The following NPHP4 variants were observed in gnomAD, a reference collection of about 807,000 sequenced individuals.
NPHP4 encodes the protein nephrocystin 4.
In NPHP4, 151 loss-of-function variants were observed where a neutral mutation model predicts 155.8. The ratio of observed to expected loss-of-function variants is 0.97; its 90% CI spans 0.85 to 1.11. NPHP4 has a LOEUF of 1.11. Ranked by LOEUF, NPHP4 falls within the 50% of genes least tolerant of loss-of-function variation. The pLI is 0.00. For missense variants in NPHP4, 1,956 were observed against 1,925.7 expected (o/e 1.02, Z -0.29); for synonymous variants, 845 against 816.8 (o/e 1.03, Z -0.59).
chr1:5,893,824 C>A (rs552403322), intron 16 of NPHP4, among the ~76,000 whole-genome samples: 1 of 152,226 alleles, frequency 6.6e-6, no homozygotes, highest in African/African-American at 2.4e-5. Flanking sequence ...TGGCAACGGG[C>A]GTCTTCCCAG....
Position 5,969,125 on chromosome 1 carries a change from G to A in NPHP4, c.414C>T (p.Asn138=), listed in dbSNP as rs778574192. Residue 138 remains asparagine (N), a synonymous_variant, in exon 4 of 30, where the codon AAC becomes AAT. Transcript: ENST00000378156. ...AAGCAGAGATAGGAGAGTCCGGCTGGTTGCTGAAGATCCGAAGAATTCCAA... is the reference window on the plus strand; with the variant it reads ...AAGCAGAGATAGGAGAGTCCGGCTGATTGCTGAAGATCCGAAGAATTCCAA... The part of the protein sequence containing the change: ...CGFGILRIFS[N]QPDSPISASQ... The A allele has an allele frequency of 1.1e-5, 17 of 1,551,338 alleles. No homozygotes were observed. Among genetic ancestry groups the A allele is most frequent in the Non-Finnish European group, 1.5e-5 (17 of 1,146,710 alleles).
At chr1:5,974,734 T>G (rs907222624) in intron 3 of NPHP4, among the ~76,000 whole-genome samples, 1 of 151,078 alleles carries the variant, frequency 6.6e-6, no homozygotes, top group Non-Finnish European at 1.5e-5. Flanking sequence ...AAGCCTTCTG[T>G]GTTCCAAGTC....
chr1:5,870,530 T>G (rs966559487), intron 23 of NPHP4, among the ~76,000 whole-genome samples: 1 of 152,184 alleles, frequency 6.6e-6, no homozygotes, highest in Non-Finnish European at 1.5e-5. Context: ...TGACACCTAG[T>G]GCGTCAAAGT....
intron 8 of NPHP4, 149 bp from the exon 9 acceptor site, chr1:5,947,379 A>G (rs1234773261): frequency 4.0e-6 from 3 of 744,540 alleles, no homozygotes; most frequent in Middle Eastern, 4.0e-4. Context: ...GTAACACTGC[A>G]CGCTCTCCCA....
At chr1:5,945,948 C>G (rs1425139674) in intron 9 of NPHP4, among the ~76,000 whole-genome samples, 1 of 152,216 alleles carries the variant, frequency 6.6e-6, no homozygotes, top group Non-Finnish European at 1.5e-5. Context: ...CATATCCACA[C>G]TGTAGACACC....
intron 26 of NPHP4, 39 bp downstream of exon 26, chr1:5,866,334 C>G: frequency 7.3e-7 from 1 of 1,368,054 alleles, no homozygotes; most frequent in Non-Finnish European, 1.0e-6. Context: ...CTCCTCTCCT[C>G]CGCCACCGCC....
chr1:5,868,701 C>G (rs553971252), intron 23 of NPHP4, among the ~76,000 whole-genome samples: 1 of 144,004 alleles, frequency 6.9e-6, no homozygotes, highest in South Asian at 2.3e-4. Flanking sequence ...TATACATGCA[C>G]GCATGCCCCA....
At chr1:5,903,529 T>C (rs1036791635) in intron 16 of NPHP4, among the ~76,000 whole-genome samples, 2 of 152,140 alleles carry the variant, frequency 1.3e-5, no homozygotes, top group South Asian at 2.1e-4. Context: ...AAACTGACCA[T>C]CAATAAAAAT....
At position 5,909,202 on chromosome 1, in the gene NPHP4, G is replaced by C; in HGVS notation, c.1453C>G (p.Pro485Ala). The C allele has an allele frequency of 1.2e-5, 20 of 1,603,106 alleles. No homozygotes were observed. The highest frequency in any genetic ancestry group is 1.7e-5 in the Non-Finnish European group (20 of 1,175,232). The change falls in exon 12 of 30, where the codon CCA becomes GCA. Residue 485 changes from proline (P) to alanine (A), a missense_variant. Coordinates refer to ENST00000378156, the MANE Select transcript of NPHP4 (RefSeq NM_015102.5). The part of the protein sequence containing the change: ...PPTSPSSPPA[P>A]VPRVLAAPQN... ...GGGGCAGCGAGAACTCGAGGTACTGGCGCTGGCGGGCCTGGGAGGAAGCAC... is the reference window on the plus strand; with the variant it reads ...GGGGCAGCGAGAACTCGAGGTACTGCCGCTGGCGGGCCTGGGAGGAAGCAC...
intron 11 of NPHP4, among the ~76,000 whole-genome samples, chr1:5,922,713 G>T (rs1299561977): frequency 6.7e-6 from 1 of 149,770 alleles, no homozygotes; most frequent in Non-Finnish European, 1.5e-5. Flanking sequence ...GGCTTAGCCG[G>T]GCACGGTGGC....
intron 6 of NPHP4, among the ~76,000 whole-genome samples, chr1:5,954,662 G>A (rs374030276): frequency 7.2e-5 from 11 of 152,304 alleles, no homozygotes; most frequent in Admixed American, 5.2e-4. Context: ...AATGAGATGA[G>A]ACGCCCTACC....
intron 8 of NPHP4, among the ~76,000 whole-genome samples, chr1:5,947,751 G>A (rs532703250): frequency 9.2e-5 from 14 of 152,238 alleles, no homozygotes; most frequent in East Asian, 5.8e-4. Context: ...CTGACTCTCC[G>A]TCCTATGAGA....
intron 17 of NPHP4, among the ~76,000 whole-genome samples, chr1:5,888,947 GGCTAA>G (rs1643967087): frequency 6.6e-6 from 1 of 152,212 alleles, no homozygotes; most frequent in Non-Finnish European, 1.5e-5. Flanking sequence ...GACAGAATTA[GGCTAA>G]GACTCTGCCC....
chr1:5,932,102 A>C (rs1236178876), intron 10 of NPHP4, among the ~76,000 whole-genome samples: 2 of 152,124 alleles, frequency 1.3e-5, no homozygotes, highest in African/African-American at 4.8e-5. Flanking sequence ...GGATCATCTA[A>C]GCCTTCCAGA....
At chr1:5,975,266 G>A (rs924416580) in intron 3 of NPHP4, among the ~76,000 whole-genome samples, 18 of 152,332 alleles carry the variant, frequency 1.2e-4, no homozygotes, top group African/African-American at 4.3e-4. Context: ...CTCTGTATGA[G>A]AATGCCAAGC....
At chr1:5,925,420 G>A (rs903246718) in intron 11 of NPHP4, among the ~76,000 whole-genome samples, 8 of 152,128 alleles carry the variant, frequency 5.3e-5, no homozygotes, top group African/African-American at 1.7e-4. Flanking sequence ...CACGGATACC[G>A]AGGGATAACT....
rs886046460 is a variant in NPHP4, at chr1:5,874,466, C to T, written c.3231+5G>A. The T allele has an allele frequency of 5.8e-5, 89 of 1,522,440 alleles. No individual in the cohort carries two copies. Among genetic ancestry groups the T allele is most frequent in the Admixed American group, 8.8e-5 (4 of 45,580 alleles). The allele number at this position is 1,522,440 out of a possible 1,614,324, so 94.3% of individuals were successfully genotyped here. A position where few individuals can be genotyped will look rare whatever the true frequency, so the allele number is the denominator to read the frequency against. ...GCAACTTCCCTGTGTGCCTGACACC[C>T]GCACCTGCACCATGGCCAGCTGCCC... On this transcript the variant is annotated splice_donor_5th_base_variant and intron_variant, in intron 22 of 29. Transcript: ENST00000378156.
intron 25 of NPHP4, 58 bp from the exon 26 acceptor site, chr1:5,866,516 G>T: frequency 9.5e-7 from 1 of 1,047,258 alleles, no homozygotes; most frequent in Non-Finnish European, 1.5e-6. Flanking sequence ...CCCCAGCCTG[G>T]CCCCTAAATC....
intron 11 of NPHP4, among the ~76,000 whole-genome samples, chr1:5,925,457 A>T (rs1438902685): frequency 1.3e-5 from 2 of 152,218 alleles, no homozygotes; most frequent in Admixed American, 6.5e-5. Flanking sequence ...TTAATTACAA[A>T]ATATACCCAA....
Sources: gnomAD v4.1 joint callset for allele counts (sites outside exome capture counted in the v4.1 genomes callset) on GRCh38, gnomAD v4.1.1 for gene constraint, MANE v1.5 for transcripts, NCBI Gene and HGNC (gene_info 2026-07-23, HGNC 2026-07-21) for gene names.